NELL1: variants seen among roughly 807,000 people sequenced by gnomAD.
The protein encoded by NELL1 is protein kinase C-binding protein NELL1.
In NELL1, 76 loss-of-function variants were observed where a neutral mutation model predicts 107.4. The ratio of observed to expected loss-of-function variants is 0.71; its 90% CI spans 0.59 to 0.86. The LOEUF is 0.86. Ranked by LOEUF, NELL1 falls within the 40% of genes least tolerant of loss-of-function variation. The pLI is 0.00. For missense variants in NELL1, 1,024 were observed against 1,005.5 expected, an observed-to-expected ratio of 1.02 and a Z score of -0.25; for synonymous variants, 353 against 341.2, an observed-to-expected ratio of 1.03 and a Z score of -0.38.
intron 14 of NELL1, among the ~76,000 whole-genome samples, chr11:21,282,268 G>A (rs972282170): frequency 2.0e-5 from 3 of 152,104 alleles, no homozygotes; most frequent in African/African-American, 7.2e-5. Flanking sequence ...CTGATCATCA[G>A]AGAAATGCAA....
At chr11:21,355,144 T>A (rs1248618478) in intron 14 of NELL1, among the ~76,000 whole-genome samples, 3 of 152,238 alleles carry the variant, frequency 2.0e-5, no homozygotes, top group African/African-American at 7.2e-5. Flanking sequence ...CATCATCTTT[T>A]ATTCTATTCC....
chr11:21,331,695 T>C (rs1850276746), intron 14 of NELL1, among the ~76,000 whole-genome samples: 1 of 152,114 alleles, frequency 6.6e-6, no homozygotes, highest in Non-Finnish European at 1.5e-5. Flanking sequence ...CAGACCTCTT[T>C]GCAGAAGTTT....
At chr11:21,406,023 G>T (rs1191282789) in intron 15 of NELL1, among the ~76,000 whole-genome samples, 2 of 151,940 alleles carry the variant, frequency 1.3e-5, no homozygotes, top group African/African-American at 4.8e-5. Context: ...CCCTCCATTT[G>T]TAAGTCCATA....
At chr11:21,325,253 T>G (rs1850104931) in intron 14 of NELL1, among the ~76,000 whole-genome samples, 1 of 152,146 alleles carries the variant, frequency 6.6e-6, no homozygotes, top group Non-Finnish European at 1.5e-5. Flanking sequence ...TTTTCTGACT[T>G]GTTTTTGTTA....
intron 15 of NELL1, among the ~76,000 whole-genome samples, chr11:21,469,404 G>T (rs139202853): frequency 6.6e-6 from 1 of 152,096 alleles, no homozygotes; most frequent in African/African-American, 2.4e-5. Flanking sequence ...TAAACAGAAA[G>T]TTCTATAGCC....
At chr11:20,675,436 A>G (rs1456576436) in intron 1 of NELL1, among the ~76,000 whole-genome samples, 1 of 152,192 alleles carries the variant, frequency 6.6e-6, no homozygotes, top group Non-Finnish European at 1.5e-5. Context: ...TTGCACCCAA[A>G]GTATTGATCA....
chr11:21,149,046 G>A lies in NELL1; in HGVS notation c.1426+35332G>A, dbSNP rs76396766. Among the ~76,000 whole-genome samples, 73 of 152,210 alleles carry A rather than the reference G, an allele frequency of 4.8e-4. 1 individual carries two copies. The East Asian group carries it at 0.013, about 27-fold the overall frequency. On this transcript the variant is annotated intron_variant, in intron 13 of 19. Coordinates refer to ENST00000357134, the MANE Select transcript of NELL1 (RefSeq NM_006157.5). ...TATCAGGGAAAATTATAGGTTTTTTGTTGCAGTTCTGGTCTTTAACTTTAG... is the reference window on the plus strand; with the variant it reads ...TATCAGGGAAAATTATAGGTTTTTTATTGCAGTTCTGGTCTTTAACTTTAG...
chr11:21,340,442 G>A (rs771366278), intron 14 of NELL1, among the ~76,000 whole-genome samples: 8 of 152,094 alleles, frequency 5.3e-5, no homozygotes, highest in African/African-American at 1.2e-4. Context: ...GTGAGCCACC[G>A]CGCCCAGCCA....
intron 14 of NELL1, among the ~76,000 whole-genome samples, chr11:21,309,268 A>AT (rs1565160256): frequency 2.8e-5 from 1 of 36,156 alleles, no homozygotes; most frequent in African/African-American, 1.0e-4. Context: ...ATGTATATAT[A>AT]TATATATATA....
chr11:21,258,786 C>A (rs896669531), intron 14 of NELL1, among the ~76,000 whole-genome samples: 3 of 151,984 alleles, frequency 2.0e-5, no homozygotes, highest in African/African-American at 7.2e-5. Flanking sequence ...ATCATACTTA[C>A]ACTTTATGAA....
chr11:20,755,551 T>TTTG (rs1564895014), intron 2 of NELL1, among the ~76,000 whole-genome samples: 2 of 37,610 alleles, frequency 5.3e-5, no homozygotes, highest in African/African-American at 2.2e-4. Flanking sequence ...TTTTTTTTTG[T>TTTG]TTTTGTTTTT....
At chr11:21,496,783 T>G (rs1480097054) in intron 15 of NELL1, among the ~76,000 whole-genome samples, 3 of 152,160 alleles carry the variant, frequency 2.0e-5, no homozygotes, top group Non-Finnish European at 4.4e-5. Flanking sequence ...TTGTTTCATT[T>G]CAAATTGTTT....
intron 12 of NELL1, among the ~76,000 whole-genome samples, chr11:21,054,352 T>C (rs138576442): frequency 1.6e-4 from 24 of 152,286 alleles, no homozygotes; most frequent in Non-Finnish European, 2.9e-4. Context: ...CTATCTTTTA[T>C]GTACTATAGT....
chr11:21,538,399 T>G (rs1002014061), intron 16 of NELL1, among the ~76,000 whole-genome samples: 1 of 152,122 alleles, frequency 6.6e-6, no homozygotes, highest in Non-Finnish European at 1.5e-5. Context: ...TCTCTTAAAG[T>G]GTAACATATG....
chr11:21,308,594 A>T (rs1362410743), intron 14 of NELL1, among the ~76,000 whole-genome samples: 1 of 152,046 alleles, frequency 6.6e-6, no homozygotes, highest in Non-Finnish European at 1.5e-5. Flanking sequence ...AGGGAGAAAG[A>T]TGTTTTTGAA....
chr11:21,491,016 G>T (rs1854793053), intron 15 of NELL1, among the ~76,000 whole-genome samples: 1 of 152,054 alleles, frequency 6.6e-6, no homozygotes, highest in African/African-American at 2.4e-5. Context: ...AAGACAATCT[G>T]TTGAATGGGA....
At chr11:21,476,944 G>A (rs895656558) in intron 15 of NELL1, among the ~76,000 whole-genome samples, 1 of 152,130 alleles carries the variant, frequency 6.6e-6, no homozygotes, top group Non-Finnish European at 1.5e-5. Context: ...CATCCCAGCA[G>A]TCAGAACCTG....
chr11:21,274,676 GA>G (rs1387963143), intron 14 of NELL1, among the ~76,000 whole-genome samples: 1 of 152,086 alleles, frequency 6.6e-6, no homozygotes, highest in Non-Finnish European at 1.5e-5. Flanking sequence ...GAATGTAAAA[GA>G]ACAAAAATTA....
chr11:21,109,232 G>T (rs969701356), intron 12 of NELL1, among the ~76,000 whole-genome samples: 1 of 152,018 alleles, frequency 6.6e-6, no homozygotes, highest in South Asian at 2.1e-4. Context: ...TATTTTTTGG[G>T]TATTTACCAA....
Sources: gnomAD v4.1 joint callset for allele counts (sites outside exome capture counted in the v4.1 genomes callset) on GRCh38, gnomAD v4.1.1 for gene constraint, MANE v1.5 for transcripts, NCBI Gene and HGNC (gene_info 2026-07-23, HGNC 2026-07-21) for gene names.